TDRD3: variants seen among roughly 807,000 people sequenced by gnomAD.
TDRD3 encodes the protein tudor domain containing 3, also known as tudor domain-containing protein 3.
TDRD3 carries 45 observed loss-of-function variants against 86.7 expected under a neutral mutation model. That is an observed-to-expected ratio of 0.52 (90% CI 0.41 to 0.67). TDRD3 has a LOEUF of 0.67. TDRD3 is among the 30% of genes least tolerant of loss of function. The probability of loss-of-function intolerance (pLI) is 0.00; values close to 1 mark genes in which losing one functional copy is unlikely to be tolerated. For synonymous variants in TDRD3, 298 were observed against 301.7 expected (o/e 0.99, Z 0.13); for missense variants, 814 against 889.0 (o/e 0.92, Z 1.07).
intron 4 of TDRD3, among the ~76,000 whole-genome samples, chr13:60,463,213 A>G (rs548438308): frequency 2.6e-5 from 4 of 152,084 alleles, no homozygotes; most frequent in South Asian, 2.1e-4. Flanking sequence ...CTGGGCGAAC[A>G]TGGTGAAACA....
chr13:60,476,942 A>G (rs1594986875), intron 5 of TDRD3, among the ~76,000 whole-genome samples: 1 of 152,078 alleles, frequency 6.6e-6, no homozygotes, highest in East Asian at 1.9e-4. Context: ...TCGGCTCTAG[A>G]AGCCTTCTGG....
intron 1 of TDRD3, among the ~76,000 whole-genome samples, chr13:60,430,443 A>G (rs1428775134): frequency 6.6e-6 from 1 of 152,196 alleles, no homozygotes; most frequent in East Asian, 1.9e-4. Flanking sequence ...AAGAGGACAG[A>G]AATATTAAGT....
intron 1 of TDRD3, among the ~76,000 whole-genome samples, chr13:60,434,796 A>G (rs1173527651): frequency 2.6e-5 from 4 of 152,096 alleles, no homozygotes; most frequent in African/African-American, 9.7e-5. Flanking sequence ...GTGTTCAAAG[A>G]TGGCACATGG....
chr13:60,560,063 A>G (rs1328957950), intron 12 of TDRD3, among the ~76,000 whole-genome samples: 12 of 152,190 alleles, frequency 7.9e-5, no homozygotes, highest in Non-Finnish European at 1.8e-4. Context: ...AAATTCAGGA[A>G]TAACATTGAC....
chr13:60,509,705 G>T (rs1957016688), intron 8 of TDRD3, 58 bp from the exon 9 acceptor site: 2 of 1,604,472 alleles, frequency 1.2e-6, no homozygotes. Context: ...GTAGTTAAAA[G>T]TTTATGCCTT....
At position 60,529,146 on chromosome 13, in the gene TDRD3, A is replaced by G. The variant is rs753621177; in HGVS notation, c.1921A>G (p.Ile641Val). ...IKPEKILESS[I>V]PMEYAKMWKP... ...GCCAGAAAAAATACTAGAATCATCT[A>G]TTCCTATGGAGTATGCAAAAATGTG... The change falls in exon 11 of 14, where the codon ATT becomes GTT. Residue 641 changes from isoleucine (I) to valine (V), a missense_variant. By Grantham distance (29) the Ile-to-Val change is conservative. Coordinates refer to ENST00000377881, the MANE Select transcript of TDRD3 (RefSeq NM_001146070.2). 7 of 1,613,740 alleles carry G rather than the reference A, an allele frequency of 4.3e-6. No individual in the cohort carries two copies. Among genetic ancestry groups the G allele is most frequent in the Middle Eastern group, 3.3e-4 (2 of 6,060 alleles).
intron 12 of TDRD3, among the ~76,000 whole-genome samples, chr13:60,551,071 T>C (rs370880656): frequency 4.6e-5 from 7 of 152,166 alleles, no homozygotes; most frequent in African/African-American, 1.7e-4. Flanking sequence ...TTTCATTATG[T>C]ATTTAAAATG....
At position 60,561,572 on chromosome 13, in the gene TDRD3, A is replaced by G. The variant is rs11148501; in HGVS notation, c.2119-5953A>G. ...TCTACGTGAGATTTCATTTGAAACA[A>G]GAGTGCTGAATTTATCCTCAAAATA... On this transcript the variant is annotated intron_variant, in intron 12 of 13. Transcript: ENST00000377881. Among the ~76,000 whole-genome samples the G allele has an allele frequency of 6.1e-3, 936 of 152,286 alleles. 24 individuals carry two copies. The East Asian group carries it at 0.074, about 12-fold the overall frequency.
chr13:60,512,452 T>C (rs2137672585), intron 10 of TDRD3, among the ~76,000 whole-genome samples: 1 of 152,266 alleles, frequency 6.6e-6, no homozygotes, highest in South Asian at 2.1e-4. Context: ...GCCAAAGTCT[T>C]AACTCATTTC....
intron 1 of TDRD3, among the ~76,000 whole-genome samples, chr13:60,415,010 G>C (rs952251598): frequency 7.2e-5 from 11 of 151,818 alleles, no homozygotes; most frequent in Non-Finnish European, 1.2e-4. Flanking sequence ...TATAGGAGGA[G>C]TTTGTTCTTA....
chr13:60,485,718 T>C, intron 6 of TDRD3, 81 bp from the exon 7 acceptor site: 1 of 1,118,516 alleles, frequency 8.9e-7, no homozygotes, highest in Non-Finnish European at 1.2e-6. Flanking sequence ...CAAGATACTT[T>C]TGAAGAAGTA....
chr13:60,433,229 G>A (rs1317295474), intron 1 of TDRD3, among the ~76,000 whole-genome samples: 2 of 152,176 alleles, frequency 1.3e-5, no homozygotes, highest in African/African-American at 4.8e-5. Context: ...GTGGCAGTGG[G>A]TAAAAGAGAA....
rs1323176371 is a variant in TDRD3, at chr13:60,397,406, G to T, written c.41+1G>T. The T allele has an allele frequency of 1.3e-6, 2 of 1,496,554 alleles. No individual in the cohort carries two copies. Among genetic ancestry groups the T allele is most frequent in the African/African-American group, 2.9e-5 (2 of 69,776 alleles). The allele number at this position is 1,496,554 out of a possible 1,614,324, so 92.7% of individuals were successfully genotyped here. A position where few individuals can be genotyped will look rare whatever the true frequency, so the allele number is the denominator to read the frequency against. ...GCGCGGCGTTGTCCCAGGCGGGTTGGTAAGTGGCGAGTCCCGCCGGCTGCC... is the reference window on the plus strand; with the variant it reads ...GCGCGGCGTTGTCCCAGGCGGGTTGTTAAGTGGCGAGTCCCGCCGGCTGCC... On this transcript the variant is annotated splice_donor_variant, in intron 1 of 13. Coordinates refer to ENST00000377881, the MANE Select transcript of TDRD3 (RefSeq NM_001146070.2). LOFTEE classifies it high-confidence loss of function.
intron 3 of TDRD3, among the ~76,000 whole-genome samples, chr13:60,450,489 A>G (rs1955510209): frequency 6.6e-6 from 1 of 152,118 alleles, no homozygotes; most frequent in South Asian, 2.1e-4. Context: ...TCTGTCCTTA[A>G]TTTTCTTATT....
chr13:60,453,218 A>G (rs969018725), intron 3 of TDRD3, among the ~76,000 whole-genome samples: 1 of 152,200 alleles, frequency 6.6e-6, no homozygotes, highest in Non-Finnish European at 1.5e-5. Flanking sequence ...CTAAAATGGG[A>G]AGAACTTACT....
At chr13:60,497,124 G>C (rs1249899840) in intron 8 of TDRD3, among the ~76,000 whole-genome samples, 4 of 152,208 alleles carry the variant, frequency 2.6e-5, no homozygotes, top group Non-Finnish European at 4.4e-5. Context: ...TGGACACCCT[G>C]CTGGATCCGG....
At chr13:60,399,656 T>G (rs1241664417) in intron 1 of TDRD3, among the ~76,000 whole-genome samples, 1 of 152,246 alleles carries the variant, frequency 6.6e-6, no homozygotes, top group South Asian at 2.1e-4. Flanking sequence ...GCTCTTACAC[T>G]TGGGGTTCTC....
At chr13:60,514,015 G>T (rs987255410) in intron 10 of TDRD3, among the ~76,000 whole-genome samples, 1 of 152,208 alleles carries the variant, frequency 6.6e-6, no homozygotes, top group African/African-American at 2.4e-5. Flanking sequence ...GGGCTTAGAA[G>T]AAGACAAGAA....
At chr13:60,449,780 G>A (rs1955493253) in intron 3 of TDRD3, among the ~76,000 whole-genome samples, 1 of 152,008 alleles carries the variant, frequency 6.6e-6, no homozygotes, top group Admixed American at 6.6e-5. Flanking sequence ...AATTTAGAAA[G>A]TTTTAATTTT....
Sources: allele counts gnomAD v4.1 joint callset (sites outside exome capture counted in the v4.1 genomes callset), GRCh38; gene constraint gnomAD v4.1.1; transcripts MANE v1.5; gene names NCBI Gene and HGNC (gene_info 2026-07-23, HGNC 2026-07-21).